Variants in DLG2 observed in about 807,000 individuals in gnomAD.
DLG2 encodes the protein discs large MAGUK scaffold protein 2.
Under a neutral mutation model 132.5 loss-of-function variants are expected in DLG2, and 45 were observed. That is an observed-to-expected ratio of 0.34 (90% CI 0.27 to 0.44). The LOEUF is 0.44. Among genes scored for constraint, DLG2 ranks in the 20% least tolerant of loss-of-function variants. The pLI is 1.00. For missense variants in DLG2, 1,045 were observed against 1,196.9 expected (o/e 0.87, Z 1.87); for synonymous variants, 424 against 419.6 (o/e 1.01, Z -0.13).
At chr11:84,130,188 C>G (rs2154215805) in intron 9 of DLG2, among the ~76,000 whole-genome samples, 1 of 152,062 alleles carries the variant, frequency 6.6e-6, no homozygotes, top group African/African-American at 2.4e-5. Context: ...GAGTCTGAAA[C>G]TATGTTCTAC....
chr11:84,174,006 C>T (rs1008385217), intron 8 of DLG2, among the ~76,000 whole-genome samples: 20 of 90,358 alleles, frequency 2.2e-4, no homozygotes, highest in African/African-American at 8.4e-4. Flanking sequence ...TTGACTTCAC[C>T]CCCCGGCCTT....
chr11:83,606,308 C>T (rs988113558), intron 19 of DLG2, among the ~76,000 whole-genome samples: 1 of 152,002 alleles, frequency 6.6e-6, no homozygotes, highest in Non-Finnish European at 1.5e-5. Context: ...AATTTTAAAA[C>T]ACAACATAAT....
chr11:84,588,794 A>C (rs2099535898), intron 6 of DLG2, among the ~76,000 whole-genome samples: 1 of 151,986 alleles, frequency 6.6e-6, no homozygotes, highest in African/African-American at 2.4e-5. Context: ...AAAAAAAAAA[A>C]AAACAAAATA....
At chr11:84,733,211 G>A (rs1039196752) in intron 6 of DLG2, among the ~76,000 whole-genome samples, 13 of 152,140 alleles carry the variant, frequency 8.5e-5, no homozygotes, top group East Asian at 1.9e-4. Flanking sequence ...CTGAGGAATC[G>A]ACACACTGAC....
chr11:85,449,484 T>C (rs1446293234), intron 3 of DLG2, among the ~76,000 whole-genome samples: 2 of 152,084 alleles, frequency 1.3e-5, no homozygotes, highest in Admixed American at 1.3e-4. Context: ...GTCTATTTTG[T>C]AATTTTTATT....
At chr11:84,764,806 C>A (rs369796153) in intron 6 of DLG2, among the ~76,000 whole-genome samples, 4 of 151,936 alleles carry the variant, frequency 2.6e-5, no homozygotes, top group African/African-American at 4.8e-5. Context: ...CTGGGAGTAA[C>A]GGGTAGCAAA....
intron 3 of DLG2, among the ~76,000 whole-genome samples, chr11:85,446,809 G>A (rs2092030909): frequency 6.6e-6 from 1 of 151,828 alleles, no homozygotes; most frequent in Non-Finnish European, 1.5e-5. Context: ...GTGTGTGTGT[G>A]TGTGTGTGTG....
intron 3 of DLG2, among the ~76,000 whole-genome samples, chr11:85,391,336 G>A (rs1268820633): frequency 6.6e-6 from 1 of 152,020 alleles, no homozygotes; most frequent in African/African-American, 2.4e-5. Flanking sequence ...GGACCAGATG[G>A]ACTCACAGCT....
intron 4 of DLG2, among the ~76,000 whole-genome samples, chr11:85,255,469 C>T (rs887933788): frequency 6.6e-5 from 10 of 152,068 alleles, no homozygotes; most frequent in African/African-American, 2.4e-4. Flanking sequence ...ATTAATTTCA[C>T]CTAAAGTTCA....
intron 7 of DLG2, among the ~76,000 whole-genome samples, chr11:84,330,195 G>T (rs1315514171): frequency 9.9e-5 from 15 of 152,158 alleles, no homozygotes; most frequent in Admixed American, 9.8e-4. Context: ...ATTCTGTAGT[G>T]CTTATGAACA....
chr11:84,295,012 C>T (rs1191178926), intron 7 of DLG2, among the ~76,000 whole-genome samples: 1 of 151,984 alleles, frequency 6.6e-6, no homozygotes, highest in Non-Finnish European at 1.5e-5. Context: ...ATTAAATTTC[C>T]AGAAAACCCA....
chr11:84,861,231 T>C (rs968568750), intron 6 of DLG2, among the ~76,000 whole-genome samples: 1 of 151,966 alleles, frequency 6.6e-6, no homozygotes, highest in African/African-American at 2.4e-5. Context: ...GGAGATCATA[T>C]GAGGAAAAAG....
intron 3 of DLG2, among the ~76,000 whole-genome samples, chr11:85,479,647 G>A (rs1432949915): frequency 1.3e-5 from 2 of 152,178 alleles, no homozygotes; most frequent in African/African-American, 4.8e-5. Flanking sequence ...AAATGAGATC[G>A]CTTTTCATAT....
At chr11:85,552,133 A>C (rs2076701365) in intron 3 of DLG2, among the ~76,000 whole-genome samples, 1 of 151,090 alleles carries the variant, frequency 6.6e-6, no homozygotes, top group Non-Finnish European at 1.5e-5. Context: ...ATGCAGCCCA[A>C]GGCAGTAGCA....
At chr11:85,032,782 C>T (rs2061127432) in intron 6 of DLG2, among the ~76,000 whole-genome samples, 1 of 152,166 alleles carries the variant, frequency 6.6e-6, no homozygotes, top group Admixed American at 6.5e-5. Flanking sequence ...ACACAATGTG[C>T]AACTTACTAA....
At chr11:83,484,052 G>C (rs1464561686) in intron 22 of DLG2, 77 bp downstream of exon 22, 41 of 1,179,690 alleles carry the variant, frequency 3.5e-5, no homozygotes, top group Non-Finnish European at 2.7e-5. Flanking sequence ...GCGTGGGAGA[G>C]CCTACATCCT....
chr11:85,465,475 G>A (rs1315108137), intron 3 of DLG2, among the ~76,000 whole-genome samples: 1 of 151,908 alleles, frequency 6.6e-6, no homozygotes, highest in Non-Finnish European at 1.5e-5. Flanking sequence ...CCCACAACAG[G>A]CCCTGGTGTG....
At chr11:85,502,118 G>C (rs1216978527) in intron 3 of DLG2, among the ~76,000 whole-genome samples, 1 of 152,076 alleles carries the variant, frequency 6.6e-6, no homozygotes, top group Non-Finnish European at 1.5e-5. Context: ...GTCCTTTGCA[G>C]GGACATGGAT....
intron 5 of DLG2, among the ~76,000 whole-genome samples, chr11:85,152,027 CT>C (rs2077290817): frequency 6.6e-6 from 1 of 152,076 alleles, no homozygotes; most frequent in Non-Finnish European, 1.5e-5. Context: ...AAGAAGCTCC[CT>C]TCTAAATATC....
Sources: allele counts gnomAD v4.1 joint callset (sites outside exome capture counted in the v4.1 genomes callset), GRCh38; gene constraint gnomAD v4.1.1; transcripts MANE v1.5; gene names NCBI Gene and HGNC (gene_info 2026-07-23, HGNC 2026-07-21).